VWA2: variants seen among roughly 807,000 people sequenced by gnomAD.
VWA2 encodes von Willebrand factor A domain containing 2, also known as von Willebrand factor A domain-containing protein 2.
In VWA2, 73 loss-of-function variants were observed where a neutral mutation model predicts 70.4. The ratio of observed to expected loss-of-function variants is 1.04; its 90% CI spans 0.86 to 1.26. The LOEUF is 1.26. Among genes scored for constraint, VWA2 ranks in the 50% most tolerant of loss-of-function variants. VWA2 has a pLI of 0.00. For missense variants in VWA2, 1,011 were observed against 998.5 expected, an observed-to-expected ratio of 1.01 and a Z score of -0.17; for synonymous variants, 407 against 423.3, an observed-to-expected ratio of 0.96 and a Z score of 0.47.
chr10:114,288,416 A>T (rs1399117276), intron 11 of VWA2, among the ~76,000 whole-genome samples: 1 of 152,246 alleles, frequency 6.6e-6, no homozygotes, highest in African/African-American at 2.4e-5. Flanking sequence ...AGTGCCCTGC[A>T]TACTGGGGAT....
rs781432156 is a variant in VWA2 at position 114,284,982 on chromosome 10, C to A, written c.997+12C>A. On this transcript the variant is annotated intron_variant, in intron 10 of 13. Coordinates refer to ENST00000392982, the MANE Select transcript of VWA2 (RefSeq NM_001272046.2). ...GGAGGCTAACTGTGGTAGGTATGCA[C>A]CGGCCCTGCAAGACTGACCACTGGG... 3 of 1,578,396 alleles carry A rather than the reference C, an allele frequency of 1.9e-6. No homozygotes were observed. The highest frequency in any genetic ancestry group is 3.7e-5 in the Admixed American group (2 of 54,688).
intron 13 of VWA2, 61 bp from the exon 14 acceptor site, chr10:114,291,157 G>C: frequency 6.5e-7 from 1 of 1,547,086 alleles, no homozygotes; most frequent in Non-Finnish European, 8.7e-7. Context: ...CTCAGAGGCT[G>C]CTGGAGGGCT....
intron 8 of VWA2, among the ~76,000 whole-genome samples, chr10:114,279,222 G>C (rs1220890245): frequency 6.6e-6 from 1 of 152,158 alleles, no homozygotes; most frequent in Non-Finnish European, 1.5e-5. Flanking sequence ...TGAGGCAAGA[G>C]GATAGAGATC....
chr10:114,251,820 AT>A lies in VWA2; in HGVS notation c.53-1810del, dbSNP rs1219307995. Reference sequence around the variant, plus strand: ...GAATGCAGTGAGCAGAAAACCTGTAATTTTTTTTTTTTTTTTTTTTTGAGAT... The same window carrying A: ...GAATGCAGTGAGCAGAAAACCTGTAATTTTTTTTTTTTTTTTTTTTGAGAT... On this transcript the variant is annotated intron_variant, in intron 2 of 13. Transcript: ENST00000392982. Among the ~76,000 whole-genome samples the A allele has an allele frequency of 5.3e-3, 639 of 120,868 alleles. 6 individuals are homozygous for A. Among genetic ancestry groups the A allele is most frequent in the African/African-American group, 0.014 (447 of 31,012 alleles). 79.3% of individuals were successfully genotyped at this position (120,868 alleles called of 152,430 possible).
intron 1 of VWA2, among the ~76,000 whole-genome samples, chr10:114,245,695 C>T (rs2037053430): frequency 6.6e-6 from 1 of 152,172 alleles, no homozygotes; most frequent in African/African-American, 2.4e-5. Flanking sequence ...TGCTGCAGGC[C>T]AGTATCCTTC....
intron 1 of VWA2, among the ~76,000 whole-genome samples, chr10:114,247,691 G>A (rs955239551): frequency 1.3e-5 from 2 of 151,990 alleles, no homozygotes; most frequent in East Asian, 3.9e-4. Flanking sequence ...GGAGCTGGAT[G>A]TATCTTGAGG....
chr10:114,243,236 C>T (rs764955563), intron 1 of VWA2, among the ~76,000 whole-genome samples: 13 of 152,208 alleles, frequency 8.5e-5, no homozygotes, highest in Non-Finnish European at 1.9e-4. Context: ...TCTCCCTAAC[C>T]CTCCAGGGAG....
At chr10:114,263,451 C>CT in intron 5 of VWA2, among the ~76,000 whole-genome samples, 1 of 151,850 alleles carries the variant, frequency 6.6e-6, no homozygotes, top group Middle Eastern at 3.4e-3. Flanking sequence ...ATCCTCCTGC[C>CT]TCAGCCTCCC....
Position 114,289,056 on chromosome 10 carries a change from G to C in VWA2, c.1689G>C (p.Val563=), listed in dbSNP as rs2039262307. ...GAAGCTGTGCCCTCCAGTTTGAGGT[G>C]AACCCTGACGTGACACAGGTCGGCC... ...FVRSCALQFE[V]NPDVTQVGLV... Residue 563 remains valine, a synonymous_variant, in exon 12 of 14, where the codon GTG becomes GTC. Coordinates refer to ENST00000392982, the MANE Select transcript of VWA2 (RefSeq NM_001272046.2). 6.2e-7 allele frequency: 1 copy of C among 1,614,092 alleles called. No individual in the cohort carries two copies.
chr10:114,287,701 AT>A (rs776305146), intron 11 of VWA2, among the ~76,000 whole-genome samples: 19 of 152,338 alleles, frequency 1.2e-4, no homozygotes, highest in Admixed American at 5.9e-4. Context: ...TTTAAAAAAA[AT>A]AATAGTTGTA....
At chr10:114,254,574 G>C (rs1169738129) in intron 3 of VWA2, among the ~76,000 whole-genome samples, 2 of 152,184 alleles carry the variant, frequency 1.3e-5, no homozygotes, top group South Asian at 4.1e-4. Context: ...CAGGGTGCCT[G>C]TGTCCACACT....
intron 6 of VWA2, among the ~76,000 whole-genome samples, chr10:114,276,331 A>G (rs2037840957): frequency 6.6e-6 from 1 of 152,230 alleles, no homozygotes; most frequent in Non-Finnish European, 1.5e-5. Flanking sequence ...GGAAACGCAC[A>G]GCCTGTGGCC....
chr10:114,248,816 G>A, intron 2 of VWA2, 51 bp downstream of exon 2: 1 of 1,544,966 alleles, frequency 6.5e-7, no homozygotes, highest in East Asian at 2.2e-5. Flanking sequence ...TGAGTAGGGG[G>A]GTTGCTTGCT....
intron 11 of VWA2, 57 bp from the exon 12 acceptor site, chr10:114,288,881 G>A (rs376601832): frequency 1.9e-5 from 29 of 1,548,092 alleles, no homozygotes; most frequent in Middle Eastern, 2.1e-4. Context: ...CCTGGGTCCC[G>A]TCGAGGGGCT....
intron 1 of VWA2, among the ~76,000 whole-genome samples, chr10:114,243,182 A>G (rs2037004347): frequency 6.6e-6 from 1 of 152,246 alleles, no homozygotes; most frequent in African/African-American, 2.4e-5. Flanking sequence ...GCAGATGCAG[A>G]AAGTATGGGA....
chr10:114,247,895 G>C (rs1430914569), intron 1 of VWA2, among the ~76,000 whole-genome samples: 1 of 152,090 alleles, frequency 6.6e-6, no homozygotes, highest in Non-Finnish European at 1.5e-5. Context: ...CATGGGGCAG[G>C]TGTGGCTCCT....
At chr10:114,248,616 C>T in intron 1 of VWA2, 88 bp from the exon 2 acceptor site, 3 of 1,149,282 alleles carry the variant, frequency 2.6e-6, no homozygotes, top group Non-Finnish European at 3.9e-6. Context: ...CTGGAAAAGG[C>T]TGAGTTGGCA....
chr10:114,260,993 T>C (rs939937902), intron 4 of VWA2, among the ~76,000 whole-genome samples, 193 bp from the exon 5 acceptor site: 2 of 152,122 alleles, frequency 1.3e-5, no homozygotes, highest in African/African-American at 4.8e-5. Context: ...ACAAACAGAT[T>C]TGGCTGTTTT....
At chr10:114,255,806 A>G (rs1460823792) in intron 4 of VWA2, among the ~76,000 whole-genome samples, 1 of 152,166 alleles carries the variant, frequency 6.6e-6, no homozygotes, top group Non-Finnish European at 1.5e-5. Flanking sequence ...AAAAATGGGC[A>G]AGGAACACAG....
Sources: gnomAD v4.1 joint callset for allele counts (sites outside exome capture counted in the v4.1 genomes callset) on GRCh38, gnomAD v4.1.1 for gene constraint, MANE v1.5 for transcripts, NCBI Gene and HGNC (gene_info 2026-07-23, HGNC 2026-07-21) for gene names.